Variants in REXO1 observed in about 807,000 individuals in gnomAD.
REXO1 encodes REX1, RNA exonuclease 1 homolog.
REXO1 carries 42 observed loss-of-function variants against 102.6 expected under a neutral mutation model. The observed-to-expected ratio is 0.41, with a 90% CI of 0.32 to 0.53. The LOEUF (loss-of-function observed/expected upper bound fraction) is 0.53, where lower values mean the gene tolerates loss of function less well. REXO1 is among the 20% of genes least tolerant of loss of function. The pLI, the probability that REXO1 is intolerant of heterozygous loss-of-function variation, is 0.27. For synonymous variants in REXO1, 908 were observed against 779.1 expected (o/e 1.17, Z -2.76); for missense variants, 1,819 against 1,732.5 (o/e 1.05, Z -0.89).
At chr19:1,834,971 G>C in intron 1 of REXO1, 1 of 440,758 alleles carries the variant, frequency 2.3e-6, no homozygotes, top group Non-Finnish European at 4.6e-6. Flanking sequence ...CTGGAAGGCA[G>C]CATCCTGGCC....
chr19:1,847,700 CAA>C (rs1251319907), intron 1 of REXO1, among the ~76,000 whole-genome samples: 1 of 152,220 alleles, frequency 6.6e-6, no homozygotes, highest in African/African-American at 2.4e-5. Flanking sequence ...TCGACAAACA[CAA>C]GAGACGATCC....
rs770593624 is a variant in REXO1, at chr19:1,828,341, C to T, written c.448G>A (p.Asp150Asn). Residue 150 changes from aspartate to asparagine, a missense_variant, in exon 2 of 16, where the codon GAC becomes AAC. Coordinates refer to ENST00000170168, the MANE Select transcript of REXO1 (RefSeq NM_020695.4). The stretch of plus-strand genomic sequence containing the variant: ...AGGCCGTGGCTGCCGGGGCTGTAGT[C>T]GAAGGCCAGTGGGAAGGCATCCTCG... ...PDEDAFPLAF[D>N]YSPGSHGLLS... 8.1e-6 allele frequency: 13 copies of T among 1,609,940 alleles called. No individual in the cohort carries two copies. Among genetic ancestry groups the T allele is most frequent in the East Asian group, 6.7e-5 (3 of 44,800 alleles).
intron 1 of REXO1, among the ~76,000 whole-genome samples, chr19:1,844,531 T>C (rs780323445): frequency 6.6e-6 from 1 of 152,122 alleles, no homozygotes; most frequent in Admixed American, 6.5e-5. Context: ...AGATACTGGG[T>C]ACACAGTGGG....
At position 1,815,717 on chromosome 19, in the gene REXO1, G is replaced by A. The variant is rs557176037; in HGVS notation, c.*349C>T. On this transcript the variant is annotated 3_prime_UTR_variant, in exon 16 of 16. Transcript: ENST00000170168. This position sits in a 1 kb window ranked among gnomAD's most constrained non-coding sequence, Gnocchi z 4.0. ...GGGACAAGCCCGCCCCGCGACCCAC[G>A]TGAGGAGCAGAGGTGCCGGCCACCA... 8.4e-5 allele frequency: 116 copies of A among 1,378,692 alleles called. 1 individual carries two copies. The South Asian group carries it at 1.2e-3, about 15-fold the overall frequency. The allele number at this position is 1,378,692 out of a possible 1,614,324, so 85.4% of individuals were successfully genotyped here.
Position 1,816,334 on chromosome 19 carries a change from G to A in REXO1, c.3468C>T (p.Ser1156=), listed in dbSNP as rs1369859619. The A allele has an allele frequency of 5.7e-6, 9 of 1,591,616 alleles. No homozygotes were observed. The highest frequency in any genetic ancestry group is 7.7e-6 in the Non-Finnish European group (9 of 1,168,898). ...AGAGCACAGACGTGTCCACCACGGT[G>A]CTGTGGATGACCTGTGGGCAGCGGC... ...SDLLALKVIH[S]TVVDTSVLFP... is the part of the protein sequence containing the mutation. Residue 1156 remains serine (S), a synonymous_variant, in exon 15 of 16, where the codon AGC becomes AGT. Transcript: ENST00000170168.
In REXO1 at chr19:1,817,341, G is replaced by C. The variant is rs751743055; in HGVS notation, c.3091-12C>G. The C allele has an allele frequency of 8.7e-6, 14 of 1,611,538 alleles. No homozygotes were observed. Among genetic ancestry groups the C allele is most frequent in the African/African-American group, 1.3e-5 (1 of 74,936 alleles). Reference sequence around the variant, plus strand: ...TCCTGCACGTGTTGCTGGGGGTGGAGAAGGCAGGTGAGGGCAGCTTCGGGG... The same window carrying C: ...TCCTGCACGTGTTGCTGGGGGTGGACAAGGCAGGTGAGGGCAGCTTCGGGG... On this transcript the variant is annotated splice_polypyrimidine_tract_variant and intron_variant, in intron 11 of 15. Transcript: ENST00000170168.
Position 1,823,596 on chromosome 19 carries a change from T to C in REXO1, c.2206A>G (p.Ile736Val), listed in dbSNP as rs1755762887. 7.6e-7 allele frequency: 1 copy of C among 1,322,234 alleles called. No individual in the cohort carries two copies. Among genetic ancestry groups the C allele is most frequent in the Non-Finnish European group, 9.7e-7 (1 of 1,028,140 alleles). The allele number at this position is 1,322,234 out of a possible 1,614,324, so 81.9% of individuals were successfully genotyped here. Residue 736 changes from isoleucine to valine, a missense_variant, in exon 4 of 16, where the codon ATC becomes GTC. Coordinates refer to ENST00000170168, the MANE Select transcript of REXO1 (RefSeq NM_020695.4). Reference sequence around the variant, plus strand: ...CCTGCAGCCAGGCGGGGGTTGGGGATGTGGGCGATCCTCCTCTTCTCGCCA... The same window carrying C: ...CCTGCAGCCAGGCGGGGGTTGGGGACGTGGGCGATCCTCCTCTTCTCGCCA... Reference protein sequence around the residue: ...APGEKRRIAHIPNPRLAAAPT... With the variant: ...APGEKRRIAHVPNPRLAAAPT...
chr19:1,826,028 T>C lies in REXO1; in HGVS notation c.1912-85A>G. The C allele has an allele frequency of 1.0e-6, 1 of 964,796 alleles. No individual in the cohort carries two copies. Among genetic ancestry groups the C allele is most frequent in the Non-Finnish European group, 1.7e-6 (1 of 603,350 alleles). 59.8% of individuals were successfully genotyped at this position (964,796 alleles called of 1,614,324 possible). On this transcript the variant is annotated intron_variant, in intron 2 of 15. Transcript: ENST00000170168. The surrounding 1 kb of genome is among the most constrained non-coding windows in gnomAD (Gnocchi z 4.3). ...CCAACCTCAAACTGCCCCCGGCAAG[T>C]GGGGAATGGAACAGTCCAGCCCCCA...
rs533734556 is a variant in REXO1 at position 1,822,013 on chromosome 19, C to T, written c.2231-331G>A. ...AGGCCCTGGCTCCCGGACAGAGGAC[C>T]GAAGGGTCTCGGGTGCCCCCACCTG... is the stretch of plus-strand genomic sequence containing the variant. On this transcript the variant is annotated intron_variant, in intron 4 of 15. Transcript: ENST00000170168. The T allele has an allele frequency of 6.7e-5, 35 of 524,720 alleles. No individual in the cohort carries two copies. The South Asian group carries it at 7.8e-4, about 12-fold the overall frequency. 32.5% of individuals were successfully genotyped at this position (524,720 alleles called of 1,614,324 possible). A position where few individuals can be genotyped will look rare whatever the true frequency, so the allele number is the denominator to read the frequency against.
At chr19:1,817,111 C>G in intron 12 of REXO1, 108 bp downstream of exon 12, 1 of 1,346,414 alleles carries the variant, frequency 7.4e-7, no homozygotes, top group Non-Finnish European at 1.0e-6. Context: ...GAGAGAAACC[C>G]TGAGCGCTGG....
chr19:1,841,760 C>T lies in REXO1; in HGVS notation c.157+6442G>A, dbSNP rs542660300. ...GCGGCTCAGGCACTGCAAGAGTCCC[C>T]GGAACCCCTCCCAGCAGGCACGCTT... On this transcript the variant is annotated intron_variant, in intron 1 of 15. Coordinates refer to ENST00000170168, the MANE Select transcript of REXO1 (RefSeq NM_020695.4). 8.7e-4 allele frequency among the ~76,000 whole-genome samples: 132 copies of T among 152,228 alleles called. 1 individual carries two copies. The highest frequency in any genetic ancestry group is 1.6e-3 in the Non-Finnish European group (106 of 67,980).
chr19:1,820,988 C>T (rs1481528306), intron 5 of REXO1, among the ~76,000 whole-genome samples: 1 of 143,172 alleles, frequency 7.0e-6, no homozygotes, highest in African/African-American at 2.6e-5. Flanking sequence ...AACAGAGACC[C>T]TGTCTCTAAA....
rs200054492 is a variant in REXO1, at chr19:1,816,853, C to T, written c.3202-40G>A. On this transcript the variant is annotated intron_variant, in intron 12 of 15. Transcript: ENST00000170168. Reference sequence around the variant, plus strand: ...TGCACCTCAGATGTGTCCCAGGCACCGGCCTCCCTCCCTCCCCTTCCCTGC... The same window carrying T: ...TGCACCTCAGATGTGTCCCAGGCACTGGCCTCCCTCCCTCCCCTTCCCTGC... 251 of 1,467,518 alleles carry T rather than the reference C, an allele frequency of 1.7e-4. 1 individual carries two copies. In the Middle Eastern group the frequency reaches 2.6e-3, roughly 15 times the overall value. 90.9% of individuals were successfully genotyped at this position (1,467,518 alleles called of 1,614,324 possible).
In REXO1 at chr19:1,819,002, A is replaced by G. The variant is rs777825003; in HGVS notation, c.2764+16T>C. 5 of 1,592,874 alleles carry G rather than the reference A, an allele frequency of 3.1e-6. No homozygotes were observed. The East Asian group carries it at 1.1e-4, about 36-fold the overall frequency. Reference sequence around the variant, plus strand: ...CCCACGAAGCACCGTGTGGCAGAGCAGGGGCAGGGCCTTACCTTTCAGGTC... The same window carrying G: ...CCCACGAAGCACCGTGTGGCAGAGCGGGGGCAGGGCCTTACCTTTCAGGTC... On this transcript the variant is annotated intron_variant, in intron 8 of 15. Coordinates refer to ENST00000170168, the MANE Select transcript of REXO1 (RefSeq NM_020695.4).
intron 1 of REXO1, among the ~76,000 whole-genome samples, chr19:1,838,415 T>A (rs1468295393): frequency 6.6e-6 from 1 of 151,514 alleles, no homozygotes; most frequent in East Asian, 1.9e-4. Context: ...GGTTGGGAGT[T>A]CGAGACCAGC....
chr19:1,828,324 G>C lies in REXO1; in HGVS notation c.465C>G (p.Ser155Arg), dbSNP rs758971653. The C allele has an allele frequency of 6.2e-6, 10 of 1,609,534 alleles. No homozygotes were observed. Among genetic ancestry groups the C allele is most frequent in the Admixed American group, 1.7e-5 (1 of 59,722 alleles). Residue 155 changes from serine (S) to arginine (R), a missense_variant, in exon 2 of 16, where the codon AGC becomes AGG. Transcript: ENST00000170168. ...CGGCATCAGGGCTTAATAGGCCGTGGCTGCCGGGGCTGTAGTCGAAGGCCA... is the reference window on the plus strand; with the variant it reads ...CGGCATCAGGGCTTAATAGGCCGTGCCTGCCGGGGCTGTAGTCGAAGGCCA... ...FPLAFDYSPG[S>R]HGLLSPDAGY...
rs144940469 is a variant in REXO1, at chr19:1,827,835, G to A, written c.954C>T (p.Thr318=). The A allele has an allele frequency of 7.5e-5, 121 of 1,611,722 alleles. No individual in the cohort carries two copies. Among genetic ancestry groups the A allele is most frequent in the Admixed American group, 2.8e-4 (17 of 59,876 alleles). ...KARADPEIKA[T]GQPPSKEGLE... is the part of the protein sequence containing the mutation. ...GGCCCTCTTTGGAGGGTGGCTGCCC[G>A]GTGGCCTTGATCTCAGGGTCGGCCC... Residue 318 remains threonine, a synonymous_variant, in exon 2 of 16, where the codon ACC becomes ACT. Coordinates refer to ENST00000170168, the MANE Select transcript of REXO1 (RefSeq NM_020695.4).
At position 1,845,010 on chromosome 19, in the gene REXO1, A is replaced by G. The variant is rs189470449; in HGVS notation, c.157+3192T>C. Among the ~76,000 whole-genome samples, 258 of 152,258 alleles carry G rather than the reference A, an allele frequency of 1.7e-3. 1 individual carries two copies. Among genetic ancestry groups the G allele is most frequent in the African/African-American group, 6.1e-3 (252 of 41,540 alleles). Reference sequence around the variant, plus strand: ...TCCCCGGAAGGGTTCCCTCTCCTGGAAGACAGTGTCCTGCCTCTCAGTAGG... The same window carrying G: ...TCCCCGGAAGGGTTCCCTCTCCTGGGAGACAGTGTCCTGCCTCTCAGTAGG... On this transcript the variant is annotated intron_variant, in intron 1 of 15. Transcript: ENST00000170168.
At chr19:1,820,483 C>T in intron 5 of REXO1, 88 bp from the exon 6 acceptor site, 1 of 1,513,924 alleles carries the variant, frequency 6.6e-7, no homozygotes, top group South Asian at 1.1e-5. Flanking sequence ...GTGCCCATGG[C>T]TGGAGGCAAG....
Sources: allele counts gnomAD v4.1 joint callset (sites outside exome capture counted in the v4.1 genomes callset), GRCh38; gene constraint gnomAD v4.1.1; non-coding constraint Gnocchi (gnomAD v3.1); transcripts MANE v1.5; gene names NCBI Gene and HGNC (gene_info 2026-07-23, HGNC 2026-07-21).